ADAMTSL1: variants seen among roughly 807,000 people sequenced by gnomAD.
The protein encoded by ADAMTSL1 is ADAMTS like 1, also known as ADAMTS-like protein 1.
Under a neutral mutation model 201.8 loss-of-function variants are expected in ADAMTSL1, and 126 were observed. The observed-to-expected ratio is 0.62, with a 90% CI of 0.54 to 0.72. The LOEUF (loss-of-function observed/expected upper bound fraction) is 0.72. Among genes scored for constraint, ADAMTSL1 ranks in the 30% least tolerant of loss-of-function variants. The pLI, the probability that ADAMTSL1 is intolerant of heterozygous loss-of-function variation, is 0.00. For synonymous variants in ADAMTSL1, 1,121 were observed against 903.4 expected (o/e 1.24, Z -4.32); for missense variants, 2,679 against 2,277.8 (o/e 1.18, Z -3.59).
chr9:18,405,002 A>T (rs1213372865), intron 2 of ADAMTSL1, among the ~76,000 whole-genome samples: 1 of 151,832 alleles, frequency 6.6e-6, no homozygotes, highest in Non-Finnish European at 1.5e-5. Flanking sequence ...TCTTGACTAG[A>T]CTTGCCTTGA....
At chr9:18,327,498 T>C (rs1401480161) in intron 2 of ADAMTSL1, among the ~76,000 whole-genome samples, 3 of 152,214 alleles carry the variant, frequency 2.0e-5, no homozygotes, top group East Asian at 1.9e-4. Flanking sequence ...TAGGCATTTT[T>C]CCCCTCTTAT....
chr9:18,887,153 A>T (rs1314855440), intron 23 of ADAMTSL1, among the ~76,000 whole-genome samples: 1 of 152,174 alleles, frequency 6.6e-6, no homozygotes, highest in Non-Finnish European at 1.5e-5. Context: ...TTCTCTCACA[A>T]CTGCAACCTG....
At chr9:18,332,814 A>C (rs935177228) in intron 2 of ADAMTSL1, among the ~76,000 whole-genome samples, 8 of 152,174 alleles carry the variant, frequency 5.3e-5, no homozygotes, top group African/African-American at 1.7e-4. Context: ...AGAGTGTGTC[A>C]GAAGGCTGCT....
At chr9:18,698,533 G>A (rs768411253) in intron 13 of ADAMTSL1, among the ~76,000 whole-genome samples, 1 of 152,028 alleles carries the variant, frequency 6.6e-6, no homozygotes, top group Non-Finnish European at 1.5e-5. Context: ...TGATCTGCCA[G>A]CCTCGGCCTC....
intron 1 of ADAMTSL1, among the ~76,000 whole-genome samples, chr9:18,154,602 A>G (rs1827068769): frequency 6.6e-6 from 1 of 152,092 alleles, no homozygotes; most frequent in African/African-American, 2.4e-5. Context: ...ACAACATATT[A>G]TTAATATAAA....
intron 2 of ADAMTSL1, among the ~76,000 whole-genome samples, chr9:18,200,931 G>A (rs904053548): frequency 6.6e-6 from 1 of 151,886 alleles, no homozygotes. Context: ...TCAGACTCAT[G>A]TAGCTTGCAT....
intron 23 of ADAMTSL1, among the ~76,000 whole-genome samples, chr9:18,859,114 A>G (rs1827046139): frequency 6.6e-6 from 1 of 152,262 alleles, no homozygotes; most frequent in Non-Finnish European, 1.5e-5. Flanking sequence ...ACAAATTACC[A>G]TAGATTTAGT....
At chr9:18,360,771 C>G (rs1037172868) in intron 2 of ADAMTSL1, 1 of 152,228 alleles carries the variant, frequency 6.6e-6, no homozygotes, top group African/African-American at 2.4e-5. Context: ...CTCCAGTGCC[C>G]ACCAATTAAT....
chr9:18,000,662 A>C (rs755396886), intron 1 of ADAMTSL1, among the ~76,000 whole-genome samples: 1 of 152,066 alleles, frequency 6.6e-6, no homozygotes. Context: ...TACTTATATC[A>C]TGTAGCACTG....
intron 1 of ADAMTSL1, among the ~76,000 whole-genome samples, chr9:18,083,880 A>T (rs186689576): frequency 3.0e-3 from 458 of 152,278 alleles, no homozygotes; most frequent in Non-Finnish European, 4.7e-3. Context: ...TACCTTAGAA[A>T]ATTCTTTGCC....
intron 1 of ADAMTSL1, among the ~76,000 whole-genome samples, chr9:18,152,900 A>T (rs1826980258): frequency 6.6e-6 from 1 of 152,068 alleles, no homozygotes; most frequent in African/African-American, 2.4e-5. Context: ...GCCCTTGATT[A>T]ATCCCACGGA....
chr9:18,552,778 T>A (rs1820865484), intron 3 of ADAMTSL1, among the ~76,000 whole-genome samples: 1 of 151,642 alleles, frequency 6.6e-6, no homozygotes, highest in Admixed American at 6.6e-5. Context: ...TTAGTGACTG[T>A]CTTTATCAGT....
intron 20 of ADAMTSL1, among the ~76,000 whole-genome samples, chr9:18,816,827 A>C (rs1823885969): frequency 6.8e-6 from 1 of 147,956 alleles, no homozygotes; most frequent in South Asian, 2.1e-4. Flanking sequence ...CATGGAGTAC[A>C]TAGTGATGTT....
At chr9:18,429,768 A>C (rs1587178820) in intron 2 of ADAMTSL1, among the ~76,000 whole-genome samples, 1 of 151,994 alleles carries the variant, frequency 6.6e-6, no homozygotes, top group South Asian at 2.1e-4. Flanking sequence ...TTGACATGAT[A>C]GTAATACGTT....
intron 2 of ADAMTSL1, among the ~76,000 whole-genome samples, chr9:18,328,374 G>A (rs1834907435): frequency 6.6e-6 from 1 of 152,166 alleles, no homozygotes; most frequent in Non-Finnish European, 1.5e-5. Context: ...CAATGTCCCT[G>A]AGGACATGAA....
chr9:18,361,144 T>A (rs1223523402), intron 2 of ADAMTSL1, among the ~76,000 whole-genome samples: 2 of 152,172 alleles, frequency 1.3e-5, no homozygotes, highest in Non-Finnish European at 2.9e-5. Context: ...AGGTTTACAT[T>A]TTACAGCAGT....
chr9:18,748,957 C>G (rs145129273), intron 15 of ADAMTSL1, among the ~76,000 whole-genome samples: 2 of 152,262 alleles, frequency 1.3e-5, no homozygotes, highest in African/African-American at 4.8e-5. Flanking sequence ...TCTGGTGGCT[C>G]CCGGCACTCT....
At chr9:18,424,156 C>T (rs1005873161) in intron 2 of ADAMTSL1, among the ~76,000 whole-genome samples, 1 of 152,304 alleles carries the variant, frequency 6.6e-6, no homozygotes, top group Admixed American at 6.5e-5. Flanking sequence ...TATGGCCTTG[C>T]TTAATGGTGA....
At chr9:17,970,699 G>C (rs928423028) in intron 1 of ADAMTSL1, among the ~76,000 whole-genome samples, 1 of 151,996 alleles carries the variant, frequency 6.6e-6, no homozygotes, top group Non-Finnish European at 1.5e-5. Flanking sequence ...TGTTGTCCCT[G>C]GTTCTGCTCC....
Sources: allele counts gnomAD v4.1 joint callset (sites outside exome capture counted in the v4.1 genomes callset), GRCh38; gene constraint gnomAD v4.1.1; transcripts MANE v1.5; gene names NCBI Gene and HGNC (gene_info 2026-07-23, HGNC 2026-07-21).